The following SLC60A1 variants were observed in gnomAD, a reference collection of about 807,000 sequenced individuals.
SLC60A1 encodes the protein solute carrier family 60 member 1, also known as major facilitator superfamily domain containing 4.
the SLC60A1 span, among the ~76,000 whole-genome samples, chr1:205,594,647 C>CAAA: frequency 7.5e-6 from 1 of 132,806 alleles, no homozygotes; most frequent in African/African-American, 2.7e-5. Context: ...GACTCTGTCT[C>CAAA]AAAAAAAAAA....
the SLC60A1 span, chr1:205,580,733 A>G: frequency 2.0e-5 from 33 of 1,612,414 alleles, no homozygotes; most frequent in Middle Eastern, 1.6e-4. This position sits in a 1 kb window ranked among gnomAD's most constrained non-coding sequence, Gnocchi z 5.0. Flanking sequence ...GTCTGAGGCC[A>G]ACTGCTTGCC....
chr1:205,580,830 C>A, the SLC60A1 span: 3 of 1,614,184 alleles, frequency 1.9e-6, no homozygotes, highest in South Asian at 3.3e-5. This position sits in a 1 kb window ranked among gnomAD's most constrained non-coding sequence, Gnocchi z 5.0. Flanking sequence ...GATGCCAAGC[C>A]TTGGTCCAAC....
the SLC60A1 span, among the ~76,000 whole-genome samples, chr1:205,586,711 T>TTTTTTG: frequency 6.6e-6 from 1 of 151,774 alleles, no homozygotes; most frequent in Non-Finnish European, 1.5e-5. Context: ...TTTTTTTTTT[T>TTTTTTG]TTTGAGATAG....
At chr1:205,583,159 C>T in the SLC60A1 span, among the ~76,000 whole-genome samples, 1 of 152,184 alleles carries the variant, frequency 6.6e-6, no homozygotes, top group Admixed American at 6.5e-5. Flanking sequence ...CAAGCAGGGG[C>T]CCCTGAGGGA....
At chr1:205,594,227 GC>G in the SLC60A1 span, among the ~76,000 whole-genome samples, 49 of 152,218 alleles carry the variant, frequency 3.2e-4, no homozygotes, top group African/African-American at 1.2e-3. Flanking sequence ...GGGCCCAGGA[GC>G]CCTCAGACTC....
chr1:205,597,392 T>G, the SLC60A1 span, among the ~76,000 whole-genome samples: 101 of 146,962 alleles, frequency 6.9e-4, 1 homozygote, highest in Non-Finnish European at 1.3e-3. Flanking sequence ...TTTTTTTTTT[T>G]TTTTTTTTCG....
chr1:205,600,345 T>G, the SLC60A1 span: 1 of 1,523,684 alleles, frequency 6.6e-7, no homozygotes, highest in Non-Finnish European at 9.1e-7. Flanking sequence ...TCAGAATGAA[T>G]CATCACTGCA....
chr1:205,598,576 G>T, the SLC60A1 span: 1 of 153,336 alleles, frequency 6.5e-6, no homozygotes. Context: ...CTGCTGGAGG[G>T]AGGGGAAGAG....
chr1:205,572,875 C>G, the SLC60A1 span, among the ~76,000 whole-genome samples: 1 of 152,194 alleles, frequency 6.6e-6, no homozygotes, highest in Admixed American at 6.5e-5. Flanking sequence ...CACACTAAAC[C>G]TGTACGTGGA....
At chr1:205,589,072 A>G in the SLC60A1 span, among the ~76,000 whole-genome samples, 48,666 of 152,062 alleles carry the variant, frequency 0.32, 8,265 homozygotes, top group Non-Finnish European at 0.36. Context: ...AACTTCCCCA[A>G]ATTTAGGGAT....
At chr1:205,583,997 C>T in the SLC60A1 span, 17 of 1,613,906 alleles carry the variant, frequency 1.1e-5, no homozygotes, top group South Asian at 7.7e-5. Flanking sequence ...GTCCAAGGAG[C>T]GGCTGCTGAC....
chr1:205,602,857 A>T, the SLC60A1 span: 3 of 152,226 alleles, frequency 2.0e-5, no homozygotes, highest in Admixed American at 6.5e-5. Flanking sequence ...ATTTGTTAAT[A>T]CAGAAAACAA....
chr1:205,582,290 G>T, the SLC60A1 span, among the ~76,000 whole-genome samples: 1 of 152,208 alleles, frequency 6.6e-6, no homozygotes, highest in Non-Finnish European at 1.5e-5. Flanking sequence ...ATGAAGTGCA[G>T]GCTGGAGGGA....
chr1:205,580,011 C>CT, the SLC60A1 span: 2 of 1,523,238 alleles, frequency 1.3e-6, no homozygotes, highest in Non-Finnish European at 1.8e-6. The surrounding 1 kb of genome is among the most constrained non-coding windows in gnomAD (Gnocchi z 5.0). Context: ...TCCCTAGGCC[C>CT]CCTCAGTCTC....
At chr1:205,587,206 T>A in the SLC60A1 span, among the ~76,000 whole-genome samples, 2 of 152,172 alleles carry the variant, frequency 1.3e-5, no homozygotes, top group Non-Finnish European at 2.9e-5. Context: ...GCCACCTCTA[T>A]CTATAACATC....
the SLC60A1 span, chr1:205,580,721 C>T: frequency 1.2e-6 from 2 of 1,614,088 alleles, no homozygotes; most frequent in Non-Finnish European, 1.7e-6. The surrounding 1 kb of genome is among the most constrained non-coding windows in gnomAD (Gnocchi z 5.0). Flanking sequence ...TGACCCTTTC[C>T]TGTCTGAGGC....
the SLC60A1 span, chr1:205,597,962 C>T: frequency 9.0e-7 from 1 of 1,113,848 alleles, no homozygotes; most frequent in East Asian, 2.4e-5. Context: ...CCTGAGTCTC[C>T]AGCAAAGCCA....
chr1:205,578,676 T>C, the SLC60A1 span, among the ~76,000 whole-genome samples: 2 of 147,878 alleles, frequency 1.4e-5, no homozygotes, highest in South Asian at 2.1e-4. Flanking sequence ...GCCTGAGTGA[T>C]CACTGGGGCC....
chr1:205,601,905 A>G, the SLC60A1 span: 1 of 152,204 alleles, frequency 6.6e-6, no homozygotes, highest in African/African-American at 2.4e-5. Flanking sequence ...TCTTTTATAG[A>G]GGGAAAAAAA....
Sources: gnomAD v4.1 joint callset for allele counts (sites outside exome capture counted in the v4.1 genomes callset) on GRCh38, gnomAD v4.1.1 for gene constraint, Gnocchi (gnomAD v3.1) non-coding constraint, MANE v1.5 for transcripts, NCBI Gene and HGNC (gene_info 2026-07-23, HGNC 2026-07-21) for gene names.